Variants in TJP1 observed in about 807,000 individuals in gnomAD.
The protein encoded by TJP1 is tight junction protein 1, also known as tight junction protein ZO-1.
Under a neutral mutation model 194.2 loss-of-function variants are expected in TJP1, and 43 were observed. That is an observed-to-expected ratio of 0.22 (90% CI 0.17 to 0.29). The LOEUF (loss-of-function observed/expected upper bound fraction) is 0.29. TJP1 is among the 10% of genes least tolerant of loss of function. The pLI is 1.00. For synonymous variants in TJP1, 801 were observed against 779.0 expected (o/e 1.03, Z -0.47); for missense variants, 1,971 against 2,185.7 (o/e 0.90, Z 1.96).
chr15:29,965,085 T>C (rs1212479702), intron 1 of TJP1, among the ~76,000 whole-genome samples: 2 of 152,220 alleles, frequency 1.3e-5, no homozygotes. Flanking sequence ...GGCAGAAGCC[T>C]TTCCATATAG....
chr15:29,761,275 T>C lies in TJP1; in HGVS notation c.874A>G (p.Ile292Val). Residue 292 changes from isoleucine to valine, a missense_variant, in exon 8 of 28, where the codon ATT becomes GTT. By Grantham distance (29) the Ile-to-Val change is conservative (BLOSUM62 3). Coordinates refer to ENST00000614355, the MANE Select transcript of TJP1 (RefSeq NM_001330239.4). Reference protein sequence around the residue: ...NASERDDISEIQSLASDHSGR... With the variant: ...NASERDDISEVQSLASDHSGR... ...GAATGATCTGATGCCAGTGACTGAA[T>C]TTCTGAAATGTCTGTTAATAAAAGG... The C allele has an allele frequency of 6.2e-7, 1 of 1,613,822 alleles. No homozygotes were observed. The highest frequency in any genetic ancestry group is 8.5e-7 in the Non-Finnish European group (1 of 1,179,938).
intron 2 of TJP1, among the ~76,000 whole-genome samples, chr15:29,845,017 GA>G (rs1197159492): frequency 6.6e-6 from 1 of 152,120 alleles, no homozygotes; most frequent in East Asian, 1.9e-4. Context: ...GAACATGTTT[GA>G]AAAAGGAACT....
chr15:29,730,790 G>A (rs1327029290), intron 15 of TJP1: 10 of 779,198 alleles, frequency 1.3e-5, no homozygotes, highest in Middle Eastern at 2.3e-4. Context: ...GAAGATCCGC[G>A]AGGTTGTCTG....
chr15:29,779,126 A>C (rs905284942), intron 2 of TJP1, among the ~76,000 whole-genome samples: 1 of 152,188 alleles, frequency 6.6e-6, no homozygotes, highest in African/African-American at 2.4e-5. Flanking sequence ...ACGGTTGCTT[A>C]AAGTTATTTC....
Position 29,715,938 on chromosome 15 carries a change from G to A in TJP1, c.4202+673C>T, listed in dbSNP as rs2042537780. On this transcript the variant is annotated intron_variant, in intron 23 of 27. Transcript: ENST00000614355. ...TATGAATCTACCTGTGTGCCCGTGT[G>A]GGCTTAGACACAACTATCAGTACCA... Among the ~76,000 whole-genome samples the A allele has an allele frequency of 2.0e-5, 3 of 152,272 alleles. No homozygotes were observed. The South Asian group carries it at 6.2e-4, about 32-fold the overall frequency.
chr15:29,791,697 T>C (rs1175692351), intron 2 of TJP1, among the ~76,000 whole-genome samples: 3 of 152,048 alleles, frequency 2.0e-5, no homozygotes, highest in Non-Finnish European at 4.4e-5. Flanking sequence ...CCGGCCTCCA[T>C]GCTATTCTTC....
intron 8 of TJP1, among the ~76,000 whole-genome samples, chr15:29,751,281 A>G (rs1486269699): frequency 6.6e-6 from 1 of 152,246 alleles, no homozygotes; most frequent in African/African-American, 2.4e-5. Context: ...TTTGTAAGCT[A>G]ATTTCTCACA....
intron 2 of TJP1, among the ~76,000 whole-genome samples, chr15:29,875,687 C>T (rs1406900497): frequency 6.6e-6 from 1 of 152,238 alleles, no homozygotes; most frequent in East Asian, 1.9e-4. Flanking sequence ...CTGCCTCAGC[C>T]TCCCAGGTAG....
intron 2 of TJP1, among the ~76,000 whole-genome samples, chr15:29,910,514 T>C (rs1463313174): frequency 6.6e-6 from 1 of 152,230 alleles, no homozygotes; most frequent in African/African-American, 2.4e-5. Flanking sequence ...TTAAACACTG[T>C]TTATATGTAG....
intron 1 of TJP1, among the ~76,000 whole-genome samples, chr15:29,803,693 A>G (rs1191225509): frequency 2.0e-5 from 3 of 152,194 alleles, no homozygotes; most frequent in Non-Finnish European, 4.4e-5. Flanking sequence ...TAAGCAATCT[A>G]TACATTAAGG....
intron 2 of TJP1, among the ~76,000 whole-genome samples, chr15:29,891,157 C>T (rs1354376372): frequency 6.6e-6 from 1 of 151,686 alleles, no homozygotes; most frequent in Non-Finnish European, 1.5e-5. Context: ...GGCTGCAGTC[C>T]CTTATGAATG....
chr15:29,950,336 G>GCCA (rs570012976), intron 2 of TJP1, among the ~76,000 whole-genome samples: 1 of 121,696 alleles, frequency 8.2e-6, no homozygotes, highest in African/African-American at 3.2e-5. Flanking sequence ...CACTTCCTGT[G>GCCA]CCACCACCAC....
intron 8 of TJP1, among the ~76,000 whole-genome samples, chr15:29,753,897 T>C (rs1018182529): frequency 2.0e-5 from 3 of 151,236 alleles, no homozygotes; most frequent in Admixed American, 2.0e-4. Flanking sequence ...ACCAACACCA[T>C]GTTCACTACC....
intron 2 of TJP1, among the ~76,000 whole-genome samples, chr15:29,848,457 A>G (rs1379460175): frequency 6.6e-6 from 1 of 152,242 alleles, no homozygotes; most frequent in Non-Finnish European, 1.5e-5. Flanking sequence ...AAAATGCTGA[A>G]AACTCTATTT....
At chr15:29,909,247 A>G (rs1238928827) in intron 2 of TJP1, among the ~76,000 whole-genome samples, 5 of 150,598 alleles carry the variant, frequency 3.3e-5, no homozygotes, top group African/African-American at 1.2e-4. Flanking sequence ...CTAAGGCAGG[A>G]GAATCGCTTG....
chr15:29,794,180 C>G (rs1290336099), intron 2 of TJP1, among the ~76,000 whole-genome samples: 1 of 151,862 alleles, frequency 6.6e-6, no homozygotes, highest in East Asian at 1.9e-4. Flanking sequence ...AAACCAAAAA[C>G]AAACAAAAAA....
intron 6 of TJP1, 72 bp downstream of exon 6, chr15:29,762,263 G>A: frequency 7.7e-7 from 1 of 1,292,852 alleles, no homozygotes; most frequent in Admixed American, 2.0e-5. Flanking sequence ...TCAAACAAGA[G>A]CACAGACTAC....
intron 27 of TJP1, among the ~76,000 whole-genome samples, chr15:29,703,653 A>G (rs2041700344): frequency 6.6e-6 from 1 of 151,866 alleles, no homozygotes; most frequent in African/African-American, 2.4e-5. Flanking sequence ...TATCAAAAAA[A>G]AATTTTTTTG....
chr15:29,761,852 A>G (rs2046028048), intron 6 of TJP1, 83 bp from the exon 7 acceptor site: 1 of 1,323,980 alleles, frequency 7.6e-7, no homozygotes, highest in Non-Finnish European at 9.9e-7. Context: ...AGAAATATCC[A>G]AACCACTCCT....
Sources: allele counts gnomAD v4.1 joint callset (sites outside exome capture counted in the v4.1 genomes callset), GRCh38; gene constraint gnomAD v4.1.1; transcripts MANE v1.5; gene names NCBI Gene and HGNC (gene_info 2026-07-23, HGNC 2026-07-21).